The following TRPM3 variants were observed in gnomAD, a reference collection of about 807,000 sequenced individuals.
TRPM3 encodes transient receptor potential cation channel subfamily M member 3.
In TRPM3, 77 loss-of-function variants were observed where a neutral mutation model predicts 181.2. The observed-to-expected ratio is 0.42, with a 90% confidence interval of 0.35 to 0.51. TRPM3 has a LOEUF of 0.51. Ranked by LOEUF, TRPM3 falls within the 20% of genes least tolerant of loss-of-function variation. The pLI is 0.01. For synonymous variants in TRPM3, 745 were observed against 796.4 expected, an observed-to-expected ratio of 0.94 and a Z score of 1.09; for missense variants, 1,759 against 2,196.7, an observed-to-expected ratio of 0.80 and a Z score of 3.98.
At chr9:70,608,203 C>CCTACT (rs1473080281) in intron 19 of TRPM3, among the ~76,000 whole-genome samples, 1 of 152,222 alleles carries the variant, frequency 6.6e-6, no homozygotes, top group Non-Finnish European at 1.5e-5. Context: ...AGTCTCTGAG[C>CCTACT]CTACTCTGGC....
chr9:70,639,476 G>C (rs924829475), intron 10 of TRPM3, among the ~76,000 whole-genome samples: 2 of 152,084 alleles, frequency 1.3e-5, no homozygotes, highest in African/African-American at 2.4e-5. Context: ...AAGGTGCAAG[G>C]GTTCACAAGG....
chr9:70,823,311 T>C (rs115057326), intron 6 of TRPM3, among the ~76,000 whole-genome samples: 1,556 of 152,338 alleles, frequency 0.01, 32 homozygotes, highest in African/African-American at 0.036. Context: ...CTACGTACTA[T>C]AGCAGAGTGA....
intron 1 of TRPM3, among the ~76,000 whole-genome samples, chr9:71,047,470 C>T (rs2059572363): frequency 6.6e-6 from 1 of 152,046 alleles, no homozygotes; most frequent in African/African-American, 2.4e-5. Context: ...AATTGGAATA[C>T]ATCATTAAGA....
intron 8 of TRPM3, among the ~76,000 whole-genome samples, chr9:70,693,497 A>AT (rs1353436661): frequency 6.6e-6 from 1 of 151,804 alleles, no homozygotes; most frequent in African/African-American, 2.4e-5. Context: ...ATTTTGTCAT[A>AT]TTTTTTCATC....
At chr9:71,410,672 C>T (rs1221902624) in intron 1 of TRPM3, among the ~76,000 whole-genome samples, 1 of 152,128 alleles carries the variant, frequency 6.6e-6, no homozygotes, top group East Asian at 1.9e-4. Flanking sequence ...CAAATTCTAC[C>T]AGAGGTACAA....
chr9:71,131,352 CTTTG>C (rs551312063), intron 1 of TRPM3, among the ~76,000 whole-genome samples: 42 of 152,134 alleles, frequency 2.8e-4, no homozygotes, highest in Non-Finnish European at 5.1e-4. Context: ...TATTGCAGCT[CTTTG>C]TTTGAATTCT....
chr9:70,821,685 T>C (rs1267924951), intron 6 of TRPM3, among the ~76,000 whole-genome samples: 1 of 152,258 alleles, frequency 6.6e-6, no homozygotes, highest in Non-Finnish European at 1.5e-5. Context: ...GTCTACTCTT[T>C]TAGATTAATG....
chr9:70,815,134 T>C (rs2092576482), intron 6 of TRPM3, among the ~76,000 whole-genome samples: 1 of 152,044 alleles, frequency 6.6e-6, no homozygotes, highest in South Asian at 2.1e-4. Flanking sequence ...TATAATATGA[T>C]TATACTGAAC....
chr9:71,138,149 C>T (rs996654396), intron 1 of TRPM3, among the ~76,000 whole-genome samples: 1 of 152,020 alleles, frequency 6.6e-6, no homozygotes, highest in South Asian at 2.1e-4. Context: ...GACGATGCTG[C>T]CTTGGGGGAG....
At chr9:71,126,156 A>G (rs2074018216), upstream of TRPM3, among the ~76,000 whole-genome samples, 1 of 152,336 alleles carries the variant, frequency 6.6e-6, no homozygotes, top group Non-Finnish European at 1.5e-5. Context: ...AAATAGAAAA[A>G]TGCAGATCAA....
intron 22 of TRPM3, among the ~76,000 whole-genome samples, chr9:70,575,841 C>T (rs1157476169): frequency 6.6e-6 from 1 of 152,214 alleles, no homozygotes; most frequent in Non-Finnish European, 1.5e-5. Context: ...CTAACTCAAA[C>T]CATTCTTAAC....
chr9:71,286,963 A>ATATATAATTATAT (rs1565424434), intron 1 of TRPM3, among the ~76,000 whole-genome samples: 103 of 138,130 alleles, frequency 7.5e-4, no homozygotes, highest in African/African-American at 1.3e-3. Context: ...TATATAAATT[A>ATATATAATTATAT]TATATAATAT....
chr9:71,341,527 G>A (rs1009356008), intron 1 of TRPM3, among the ~76,000 whole-genome samples: 4 of 151,990 alleles, frequency 2.6e-5, no homozygotes, highest in African/African-American at 9.7e-5. Context: ...TTTAAAAAAT[G>A]AGTGACAAGT....
At chr9:71,219,509 A>C (rs1159036033) in intron 1 of TRPM3, among the ~76,000 whole-genome samples, 2 of 152,104 alleles carry the variant, frequency 1.3e-5, no homozygotes, top group Non-Finnish European at 1.5e-5. Context: ...AAGCCAATAA[A>C]ATTGTCCTGA....
At chr9:71,342,935 A>C (rs906339810) in intron 1 of TRPM3, among the ~76,000 whole-genome samples, 2 of 152,172 alleles carry the variant, frequency 1.3e-5, no homozygotes, top group African/African-American at 2.4e-5. Flanking sequence ...AGAATCCTTT[A>C]ATGCCTATTA....
At chr9:70,871,764 G>A (rs987564443) in intron 1 of TRPM3, among the ~76,000 whole-genome samples, 3 of 152,022 alleles carry the variant, frequency 2.0e-5, no homozygotes, top group African/African-American at 7.2e-5. Flanking sequence ...AGTTTAGAGT[G>A]AATGTAATTT....
rs144128466 is a variant in TRPM3 at position 70,739,382 on chromosome 9, T to G, written c.1272+22219A>C. 3.9e-3 allele frequency among the ~76,000 whole-genome samples: 593 copies of G among 152,262 alleles called. 5 individuals are homozygous for G. The highest frequency in any genetic ancestry group is 0.014 in the African/African-American group (575 of 41,534). ...AACAGAATTAAAAACAGAAATCACA[T>G]GATCATCTCAATAGATGCAGAAGAA... On this transcript the variant is annotated intron_variant, in intron 8 of 25. Coordinates refer to ENST00000677713, the MANE Select transcript of TRPM3 (RefSeq NM_001366145.2).
intron 1 of TRPM3, among the ~76,000 whole-genome samples, chr9:71,357,725 C>T (rs1198139215): frequency 3.1e-5 from 1 of 32,336 alleles, no homozygotes; most frequent in Admixed American, 4.9e-4. Flanking sequence ...AAGTGGTATG[C>T]TTTCCATAAA....
At chr9:71,431,036 C>A (rs2093946592) in intron 1 of TRPM3, among the ~76,000 whole-genome samples, 1 of 152,256 alleles carries the variant, frequency 6.6e-6, no homozygotes, top group East Asian at 1.9e-4. Context: ...TTATTTGATA[C>A]AATTGAAAAT....
Sources: gnomAD v4.1 joint callset for allele counts (sites outside exome capture counted in the v4.1 genomes callset) on GRCh38, gnomAD v4.1.1 for gene constraint, MANE v1.5 for transcripts, NCBI Gene and HGNC (gene_info 2026-07-23, HGNC 2026-07-21) for gene names.